The following SPTA1 variants were observed in gnomAD, a reference collection of about 807,000 sequenced individuals.
SPTA1 encodes spectrin alpha chain, erythrocytic 1.
SPTA1 carries 177 observed loss-of-function variants against 324.7 expected under a neutral mutation model. The observed-to-expected ratio is 0.55, with a 90% CI of 0.48 to 0.62. The LOEUF (loss-of-function observed/expected upper bound fraction) is 0.62, where lower values mean the gene tolerates loss of function less well. SPTA1 is among the 20% of genes least tolerant of loss of function. The pLI is 0.00. For missense variants in SPTA1, 3,162 were observed against 2,883.6 expected, an observed-to-expected ratio of 1.10 and a Z score of -2.21; for synonymous variants, 1,195 against 1,041.3, an observed-to-expected ratio of 1.15 and a Z score of -2.84.
chr1:158,639,843 GTC>G, intron 34 of SPTA1, 25 bp downstream of exon 34: 1 of 1,613,912 alleles, frequency 6.2e-7, no homozygotes, highest in Non-Finnish European at 8.5e-7. Context: ...AAACTCTTGT[GTC>G]TCTACTGTTT....
At chr1:158,656,231 AAAG>A (rs1396258095) in intron 20 of SPTA1, among the ~76,000 whole-genome samples, 2 of 152,196 alleles carry the variant, frequency 1.3e-5, no homozygotes, top group East Asian at 1.9e-4. Context: ...TTAAGAAACA[AAAG>A]AAGGGAGTAA....
At position 158,652,622 on chromosome 1, in the gene SPTA1, G is replaced by A. The variant is rs569406964; in HGVS notation, c.3220C>T (p.Arg1074Cys). 25 of 1,614,124 alleles carry A rather than the reference G, an allele frequency of 1.5e-5. No homozygotes were observed. The Admixed American group carries it at 2.0e-4, about 13-fold the overall frequency. Residue 1074 changes from arginine (R) to cysteine (C), a missense_variant, in exon 23 of 52, where the codon CGC (arginine) becomes TGC (cysteine). By Grantham distance (180) the Arg-to-Cys change is radical. Coordinates refer to ENST00000643759, the MANE Select transcript of SPTA1 (RefSeq NM_003126.4). ...YRSLLDRAEE[R>C]RRRLLQRYNE... The stretch of plus-strand genomic sequence containing the variant: ...TAACGTTGCAATAGACGACGTCTGC[G>A]TTCTTCTGCCCGATCCAAGAGGGAG...
intron 16 of SPTA1, among the ~76,000 whole-genome samples, chr1:158,665,653 C>T (rs1022416183): frequency 6.6e-6 from 1 of 152,124 alleles, no homozygotes; most frequent in Non-Finnish European, 1.5e-5. Flanking sequence ...AACTAGAAAC[C>T]TTGACATCAG....
chr1:158,671,412 A>G lies in SPTA1; in HGVS notation c.1530T>C (p.Ser510=). 1 of 1,613,316 alleles carries G rather than the reference A, an allele frequency of 6.2e-7. No individual in the cohort carries two copies. Among genetic ancestry groups the G allele is most frequent in the Non-Finnish European group, 8.5e-7 (1 of 1,179,928 alleles). The change falls in exon 12 of 52, where the codon AGT becomes AGC. Residue 510 remains serine (S), a synonymous_variant. Coordinates refer to ENST00000643759, the MANE Select transcript of SPTA1 (RefSeq NM_003126.4). Reference sequence around the variant, plus strand: ...CATGCTTCTGAAGAAGGGCTTCTGCACTGCCCAGTGAGTTTCCCAGATCCT... The same window carrying G: ...CATGCTTCTGAAGAAGGGCTTCTGCGCTGCCCAGTGAGTTTCCCAGATCCT... ...ENEDLGNSLG[S]AEALLQKHED...
intron 40 of SPTA1, 116 bp from the exon 41 acceptor site, chr1:158,627,123 C>A: frequency 2.2e-5 from 31 of 1,380,828 alleles, no homozygotes; most frequent in Non-Finnish European, 2.7e-5. Context: ...CCAAGTGTGA[C>A]CGTCTTAGTT....
chr1:158,624,779 C>A (rs1483165772), intron 42 of SPTA1, among the ~76,000 whole-genome samples: 8 of 152,110 alleles, frequency 5.3e-5, no homozygotes, highest in Non-Finnish European at 1.2e-4. Context: ...AGTCTAGAAG[C>A]CAAGCAGAAA....
intron 29 of SPTA1, 24 bp downstream of exon 29, chr1:158,645,164 T>A: frequency 1.2e-6 from 2 of 1,613,448 alleles, no homozygotes; most frequent in Non-Finnish European, 1.7e-6. Flanking sequence ...TGAACCTGCT[T>A]AACAATTGGG....
intron 33 of SPTA1, among the ~76,000 whole-genome samples, chr1:158,640,843 A>G (rs1348542273): frequency 6.6e-6 from 1 of 152,198 alleles, no homozygotes; most frequent in Admixed American, 6.5e-5. Flanking sequence ...AAGAGCCTAC[A>G]TTGCCAAGTC....
chr1:158,620,570 G>A, intron 43 of SPTA1, 104 bp from the exon 44 acceptor site: 3 of 1,425,306 alleles, frequency 2.1e-6, no homozygotes, highest in South Asian at 1.3e-5. Flanking sequence ...TATCTGCAGG[G>A]CCACCAATCT....
At position 158,652,525 on chromosome 1, in the gene SPTA1, G is replaced by C; in HGVS notation, c.3317C>G (p.Thr1106Ser). ...CCAAACATCATCTAGTTCCACTCCA[G>C]TGTTTTCTGCCTTTTTCTCTTGAAT... ...EWIQEKKAEN[T>S]GVELDDVWEL... Residue 1106 changes from threonine (T) to serine (S), a missense_variant, in exon 23 of 52, where the codon ACT becomes AGT. By Grantham distance (58) the Thr-to-Ser change is moderately conservative. Coordinates refer to ENST00000643759, the MANE Select transcript of SPTA1 (RefSeq NM_003126.4). The C allele has an allele frequency of 1.2e-6, 2 of 1,614,118 alleles. No homozygotes were observed. Among genetic ancestry groups the C allele is most frequent in the Non-Finnish European group, 1.7e-6 (2 of 1,180,028 alleles).
chr1:158,614,535 CAAA>C, intron 48 of SPTA1: 3 of 431,564 alleles, frequency 7.0e-6, no homozygotes, highest in Non-Finnish European at 8.2e-6. Context: ...TGAAGACAAT[CAAA>C]AGAAAATTTT....
intron 42 of SPTA1, 63 bp downstream of exon 42, chr1:158,626,083 T>C (rs1650247035): frequency 1.4e-6 from 2 of 1,441,308 alleles, no homozygotes; most frequent in Non-Finnish European, 2.0e-6. Flanking sequence ...AAATAAATAA[T>C]CATGGAGGAT....
At chr1:158,644,196 A>T in intron 30 of SPTA1, 57 bp downstream of exon 30, 1 of 1,597,872 alleles carries the variant, frequency 6.3e-7, no homozygotes, top group Non-Finnish European at 8.6e-7. Flanking sequence ...AATGTGTAGG[A>T]TTTCTGTTAT....
chr1:158,686,576 A>AGAGAGAGAGAG lies in SPTA1; in HGVS notation c.-60_-59insCTCTCTCTCTC. 1.5e-6 allele frequency: 2 copies of AGAGAGAGAGAG among 1,331,626 alleles called. No individual in the cohort carries two copies. Among genetic ancestry groups the AGAGAGAGAGAG allele is most frequent in the Non-Finnish European group, 2.2e-6 (2 of 923,800 alleles). 82.5% of individuals were successfully genotyped at this position (1,331,626 alleles called of 1,614,324 possible). Reference sequence around the variant, plus strand: ...ATGTGTCAGAGAGAGAGAGAGAGAGAAATAATTCAAATGGAACTGTCCAGT... The same window carrying AGAGAGAGAGAG: ...ATGTGTCAGAGAGAGAGAGAGAGAGAGAGAGAGAGAGAATAATTCAAATGGAACTGTCCAGT... On this transcript the variant is annotated 5_prime_UTR_variant, in exon 1 of 52. The change abolishes the stop of an existing upstream ORF in the 5' untranslated region. Transcript: ENST00000643759.
chr1:158,686,356 TTAAAAG>T lies in SPTA1; in HGVS notation c.24+132_24+137del, dbSNP rs66555443. On this transcript the variant is annotated intron_variant, in intron 1 of 51. Transcript: ENST00000643759. ...CAAGGTTATTGTTCACAAAAAATAG[TTAAAAG>T]TAAAATTATCTATTTGTTAAAAGCC... is the stretch of plus-strand genomic sequence containing the variant. 244,604 of 706,922 alleles carry T rather than the reference TTAAAAG, an allele frequency of 0.35. 44,656 individuals carry two copies. The highest frequency in any genetic ancestry group is 0.38 in the Non-Finnish European group (153,185 of 402,910). 43.8% of individuals were successfully genotyped at this position (706,922 alleles called of 1,614,324 possible). A position where few individuals can be genotyped will look rare whatever the true frequency, so the allele number is the denominator to read the frequency against.
In SPTA1 at chr1:158,625,266, A is replaced by G. The variant is rs570783547; in HGVS notation, c.5910+880T>C. On this transcript the variant is annotated intron_variant, in intron 42 of 51. Transcript: ENST00000643759. ...CTGAAAAAGTACACTTTAAATCAAG[A>G]AATGTAATTCAAGATAAAGAGGAAC... Among the ~76,000 whole-genome samples, 3 of 152,326 alleles carry G rather than the reference A, an allele frequency of 2.0e-5. 1 individual carries two copies. Among genetic ancestry groups the G allele is most frequent in the Admixed American group, 2.0e-4 (3 of 15,300 alleles).
chr1:158,632,054 C>T (rs1051375311), intron 39 of SPTA1, among the ~76,000 whole-genome samples: 1 of 152,024 alleles, frequency 6.6e-6, no homozygotes, highest in African/African-American at 2.4e-5. Flanking sequence ...AAATGTCCAT[C>T]AACAGATGAA....
intron 17 of SPTA1, among the ~76,000 whole-genome samples, chr1:158,661,646 T>C (rs368590311): frequency 6.6e-6 from 1 of 152,186 alleles, no homozygotes; most frequent in African/African-American, 2.4e-5. Flanking sequence ...AATGAAAACA[T>C]CACTATTGTT....
intron 16 of SPTA1, among the ~76,000 whole-genome samples, chr1:158,664,449 G>A (rs1205324779): frequency 6.6e-6 from 1 of 152,158 alleles, no homozygotes. Flanking sequence ...AACACCGCAT[G>A]TTCTCACTCA....
Sources: allele counts gnomAD v4.1 joint callset (sites outside exome capture counted in the v4.1 genomes callset), GRCh38; gene constraint gnomAD v4.1.1; transcripts MANE v1.5; gene names NCBI Gene and HGNC (gene_info 2026-07-23, HGNC 2026-07-21).